Variants in GCFC2 observed in about 807,000 individuals in gnomAD.
GCFC2 encodes the protein GC-rich sequence DNA-binding factor 2.
In GCFC2, 102 loss-of-function variants were observed where a neutral mutation model predicts 99.4. The observed-to-expected ratio is 1.03, with a 90% CI of 0.87 to 1.21. The LOEUF (loss-of-function observed/expected upper bound fraction) is 1.21. Among genes scored for constraint, GCFC2 ranks in the 50% most tolerant of loss-of-function variants. The pLI is 0.00. For synonymous variants in GCFC2, 338 were observed against 316.8 expected (o/e 1.07, Z -0.71); for missense variants, 973 against 920.9 (o/e 1.06, Z -0.73).
intron 13 of GCFC2, among the ~76,000 whole-genome samples, chr2:75,672,473 A>G (rs1347973314): frequency 1.3e-5 from 2 of 151,930 alleles, no homozygotes; most frequent in African/African-American, 4.8e-5. Context: ...TTTTACATGT[A>G]GACATCTCAT....
chr2:75,709,410 T>C (rs914053621), intron 1 of GCFC2, among the ~76,000 whole-genome samples: 2 of 152,132 alleles, frequency 1.3e-5, no homozygotes, highest in African/African-American at 2.4e-5. Context: ...ATCACGAAGA[T>C]CATAAACCTG....
At chr2:75,688,523 T>C (rs1354511023) in intron 10 of GCFC2, among the ~76,000 whole-genome samples, 21 of 152,140 alleles carry the variant, frequency 1.4e-4, no homozygotes. Context: ...TAACTTAGGA[T>C]CTAAATATCT....
At chr2:75,679,139 TA>T (rs999435442) in intron 12 of GCFC2, among the ~76,000 whole-genome samples, 1 of 152,250 alleles carries the variant, frequency 6.6e-6, no homozygotes, top group African/African-American at 2.4e-5. Context: ...AGTTACAGTT[TA>T]TGTGCATCTT....
Position 75,670,142 on chromosome 2 carries a change from T to G in GCFC2, c.2099A>C (p.Asn700Thr), listed in dbSNP as rs767366248. 6.3e-7 allele frequency: 1 copy of G among 1,596,684 alleles called. No individual in the cohort carries two copies. Among genetic ancestry groups the G allele is most frequent in the South Asian group, 1.1e-5 (1 of 89,752 alleles). The change falls in exon 15 of 17, where the codon AAC (asparagine) becomes ACC (threonine). Residue 700 changes from asparagine (N) to threonine (T), a missense_variant. Asn to Thr is a moderately conservative substitution (Grantham distance 65, BLOSUM62 0). Transcript: ENST00000321027. ...TPGPDVVKKCNQVAACLPEKW... is the reference protein window; with the variant it reads ...TPGPDVVKKCTQVAACLPEKW... ...CAGTCTTCCTTCACAACTTACCTGGTTGCACTTTTTAACCACATCTGGCCC... is the reference window on the plus strand; with the variant it reads ...CAGTCTTCCTTCACAACTTACCTGGGTGCACTTTTTAACCACATCTGGCCC...
In GCFC2 at chr2:75,710,891, C is replaced by T; in HGVS notation, c.-36G>A. The T allele has an allele frequency of 6.7e-7, 1 of 1,492,348 alleles. No individual in the cohort carries two copies. Among genetic ancestry groups the T allele is most frequent in the Non-Finnish European group, 8.9e-7 (1 of 1,127,860 alleles). The allele number at this position is 1,492,348 out of a possible 1,614,324, so 92.4% of individuals were successfully genotyped here. A position where few individuals can be genotyped will look rare whatever the true frequency, so the allele number is the denominator to read the frequency against. On this transcript the variant is annotated 5_prime_UTR_variant, in exon 1 of 17. Coordinates refer to ENST00000321027, the MANE Select transcript of GCFC2 (RefSeq NM_003203.5). Reference sequence around the variant, plus strand: ...CGAGCGCCCGGCGCCCTAGAACCCGCTGAACCGCAAGCCGCAGCTTCAGTG... The same window carrying T: ...CGAGCGCCCGGCGCCCTAGAACCCGTTGAACCGCAAGCCGCAGCTTCAGTG...
intron 11 of GCFC2, among the ~76,000 whole-genome samples, chr2:75,686,291 G>C (rs1192614638): frequency 6.6e-6 from 1 of 151,872 alleles, no homozygotes; most frequent in African/African-American, 2.4e-5. Flanking sequence ...AATAGAGATG[G>C]GGTTTCACCT....
At chr2:75,690,366 G>C (rs958546196) in intron 8 of GCFC2, 4 of 499,588 alleles carry the variant, frequency 8.0e-6, no homozygotes, top group Non-Finnish European at 1.4e-5. Flanking sequence ...TTCCGAAGAG[G>C]GGGTAATTAT....
chr2:75,692,328 C>T (rs1167295978), intron 6 of GCFC2, among the ~76,000 whole-genome samples: 1 of 151,688 alleles, frequency 6.6e-6, no homozygotes, highest in Non-Finnish European at 1.5e-5. Flanking sequence ...ACTTAGTCTA[C>T]TGGAACTGTT....
chr2:75,700,006 T>C (rs1401936410), intron 4 of GCFC2, among the ~76,000 whole-genome samples: 1 of 150,360 alleles, frequency 6.7e-6, no homozygotes, highest in Non-Finnish European at 1.5e-5. Context: ...GCTCAAGCAA[T>C]CCTCCCACTT....
upstream of GCFC2, chr2:75,711,057 G>C: frequency 7.6e-7 from 1 of 1,317,454 alleles, no homozygotes; most frequent in Non-Finnish European, 9.6e-7. Flanking sequence ...CTGTTCTGGG[G>C]CCTGAGTTTG....
intron 4 of GCFC2, chr2:75,697,582 T>C (rs936712622): frequency 1.3e-5 from 2 of 152,268 alleles, no homozygotes; most frequent in Non-Finnish European, 2.9e-5. Context: ...TTTTGTTTAG[T>C]TGTCTCCCTT....
At chr2:75,689,907 G>T in intron 9 of GCFC2, 62 bp downstream of exon 9, 2 of 853,836 alleles carry the variant, frequency 2.3e-6, no homozygotes, top group Non-Finnish European at 3.8e-6. Context: ...GGCAATCCCA[G>T]CAAAGTGTTT....
chr2:75,680,476 CT>C (rs1426154711), intron 11 of GCFC2, among the ~76,000 whole-genome samples, 162 bp from the exon 12 acceptor site: 1 of 152,154 alleles, frequency 6.6e-6, no homozygotes, highest in African/African-American at 2.4e-5. Flanking sequence ...CTTCAATTTC[CT>C]TGTTCTTCTT....
chr2:75,672,995 G>GT (rs1404028033), intron 13 of GCFC2, among the ~76,000 whole-genome samples: 1 of 152,174 alleles, frequency 6.6e-6, no homozygotes, highest in African/African-American at 2.4e-5. Flanking sequence ...TCCTCATAGA[G>GT]TATGTGTACA....
chr2:75,690,115 A>T lies in GCFC2; in HGVS notation c.1227-34T>A, dbSNP rs989889706. Reference sequence around the variant, plus strand: ...TGCAACAAACCAAAAATAAACAAAAAGTAAGTAGTTCTTGCTGAAAATAAA... The same window carrying T: ...TGCAACAAACCAAAAATAAACAAAATGTAAGTAGTTCTTGCTGAAAATAAA... On this transcript the variant is annotated intron_variant, in intron 8 of 16. Transcript: ENST00000321027. The T allele has an allele frequency of 3.3e-6, 4 of 1,217,192 alleles. No homozygotes were observed. In the East Asian group the frequency reaches 9.4e-5, roughly 29 times the overall value. The allele number at this position is 1,217,192 out of a possible 1,614,324, so 75.4% of individuals were successfully genotyped here.
intron 7 of GCFC2, among the ~76,000 whole-genome samples, chr2:75,691,475 C>T (rs1364443529): frequency 6.6e-6 from 1 of 151,958 alleles, no homozygotes; most frequent in Non-Finnish European, 1.5e-5. Context: ...GTCACTTTGC[C>T]TTTGCATTTA....
chr2:75,668,373 A>AC (rs1206186256), intron 15 of GCFC2, among the ~76,000 whole-genome samples: 6 of 152,096 alleles, frequency 3.9e-5, no homozygotes, highest in African/African-American at 1.2e-4. Context: ...ACAAAACAAA[A>AC]AACCAAATTG....
At chr2:75,671,055 A>G (rs973631613) in intron 14 of GCFC2, among the ~76,000 whole-genome samples, 1 of 152,178 alleles carries the variant, frequency 6.6e-6, no homozygotes, top group African/African-American at 2.4e-5. Flanking sequence ...AAATCCAATA[A>G]ACAGTGTTTC....
In GCFC2 at chr2:75,710,556, G is replaced by A. The variant is rs573268543; in HGVS notation, c.265+35C>T. On this transcript the variant is annotated intron_variant, in intron 1 of 16. Transcript: ENST00000321027. Reference sequence around the variant, plus strand: ...CCGCGGCCCCTTCCCGCCCTGTGCCGTCACCTCCCCGCTTCCCCGCGTCTC... The same window carrying A: ...CCGCGGCCCCTTCCCGCCCTGTGCCATCACCTCCCCGCTTCCCCGCGTCTC... 11 of 1,469,502 alleles carry A rather than the reference G, an allele frequency of 7.5e-6. No individual in the cohort carries two copies. The South Asian group carries it at 1.2e-4, about 16-fold the overall frequency. The allele number at this position is 1,469,502 out of a possible 1,614,324, so 91.0% of individuals were successfully genotyped here. A position where few individuals can be genotyped will look rare whatever the true frequency, so the allele number is the denominator to read the frequency against.
Sources: allele counts gnomAD v4.1 joint callset (sites outside exome capture counted in the v4.1 genomes callset), GRCh38; gene constraint gnomAD v4.1.1; transcripts MANE v1.5; gene names NCBI Gene and HGNC (gene_info 2026-07-23, HGNC 2026-07-21).